CRACD: variants seen among roughly 807,000 people sequenced by gnomAD.
CRACD encodes the protein capping protein-inhibiting regulator of actin dynamics.
In CRACD, 56 loss-of-function variants were observed where a neutral mutation model predicts 106.8. The observed-to-expected ratio is 0.52, with a 90% CI of 0.42 to 0.66. CRACD has a LOEUF of 0.66. CRACD is among the 30% of genes least tolerant of loss of function. CRACD has a pLI of 0.00. For synonymous variants in CRACD, 754 were observed against 670.8 expected, an observed-to-expected ratio of 1.12 and a Z score of -1.92; for missense variants, 1,730 against 1,623.2, an observed-to-expected ratio of 1.07 and a Z score of -1.13.
chr4:56,106,742 C>T (rs1033329573), intron 1 of CRACD, among the ~76,000 whole-genome samples: 11 of 152,130 alleles, frequency 7.2e-5, no homozygotes, highest in Non-Finnish European at 1.5e-4. Context: ...TTGGATTGTA[C>T]AAGAACGTGA....
chr4:56,136,005 A>G (rs993263970), intron 1 of CRACD, among the ~76,000 whole-genome samples: 12 of 151,918 alleles, frequency 7.9e-5, no homozygotes, highest in African/African-American at 2.9e-4. Context: ...ATGTAAGTGG[A>G]GTTATACAGT....
chr4:56,302,504 C>T (rs533145377), intron 4 of CRACD, among the ~76,000 whole-genome samples: 6 of 152,288 alleles, frequency 3.9e-5, no homozygotes, highest in South Asian at 4.1e-4. Flanking sequence ...TATCTCCCAC[C>T]GAGCTGGATT....
chr4:56,247,499 C>T (rs1308625915), intron 2 of CRACD, among the ~76,000 whole-genome samples: 4 of 152,130 alleles, frequency 2.6e-5, no homozygotes, highest in Admixed American at 2.0e-4. Flanking sequence ...TTCCTCTCTT[C>T]CAGTAGTTGG....
intron 1 of CRACD, among the ~76,000 whole-genome samples, chr4:56,113,896 G>A (rs1197178870): frequency 6.6e-6 from 1 of 152,010 alleles, no homozygotes; most frequent in Non-Finnish European, 1.5e-5. Flanking sequence ...AAGCTTTCTT[G>A]TATACATAAA....
At position 56,330,071 on chromosome 4, in the gene CRACD, A is replaced by G. The variant is rs1363181403; in HGVS notation, c.*2267A>G. Among the ~76,000 whole-genome samples, 2 of 152,202 alleles carry G rather than the reference A, an allele frequency of 1.3e-5. No individual in the cohort carries two copies. The highest frequency in any genetic ancestry group is 2.1e-4 in the South Asian group (1 of 4,830). ...CACCCCAAATTTGCACTAAATACCA[A>G]TGAAGTGTTATTTTGCTTTAGTAGT... On this transcript the variant is annotated 3_prime_UTR_variant, in exon 11 of 11. Coordinates refer to ENST00000682029, the MANE Select transcript of CRACD (RefSeq NM_001393381.1).
At chr4:56,252,425 GC>G (rs1741109929) in intron 2 of CRACD, among the ~76,000 whole-genome samples, 2 of 152,154 alleles carry the variant, frequency 1.3e-5, no homozygotes. Flanking sequence ...ATTGTGAAAA[GC>G]AGCATACTCT....
At chr4:56,264,860 C>A (rs879808447) in intron 2 of CRACD, among the ~76,000 whole-genome samples, 12 of 152,240 alleles carry the variant, frequency 7.9e-5, no homozygotes, top group Non-Finnish European at 1.8e-4. Flanking sequence ...TGTTCTTCTA[C>A]ATGGCTTCAG....
intron 2 of CRACD, among the ~76,000 whole-genome samples, chr4:56,208,678 T>C (rs571329576): frequency 1.3e-5 from 2 of 152,356 alleles, no homozygotes; most frequent in East Asian, 3.9e-4. Context: ...TCAATCCCGT[T>C]AACTCTCTTA....
intron 1 of CRACD, among the ~76,000 whole-genome samples, chr4:56,080,044 G>A (rs1209799374): frequency 6.6e-6 from 1 of 152,126 alleles, no homozygotes; most frequent in Admixed American, 6.5e-5. Context: ...TCAGAACAAT[G>A]TTAAAAGAAA....
chr4:56,144,271 G>A (rs1238353761), intron 1 of CRACD, among the ~76,000 whole-genome samples: 1 of 152,184 alleles, frequency 6.6e-6, no homozygotes, highest in Non-Finnish European at 1.5e-5. Flanking sequence ...TATAGAACAT[G>A]TCGTGGAGTT....
chr4:56,277,224 G>C (rs1215693126), intron 3 of CRACD, among the ~76,000 whole-genome samples: 2 of 152,074 alleles, frequency 1.3e-5, no homozygotes, highest in African/African-American at 2.4e-5. Flanking sequence ...TATGACAATA[G>C]ACACAAAAAT....
intron 1 of CRACD, among the ~76,000 whole-genome samples, chr4:56,059,914 T>C (rs1732214517): frequency 6.6e-6 from 1 of 152,114 alleles, no homozygotes; most frequent in African/African-American, 2.4e-5. Context: ...AAACTCTTGG[T>C]TTCATGTGAT....
intron 2 of CRACD, among the ~76,000 whole-genome samples, chr4:56,192,786 AG>A (rs1376730366): frequency 1.3e-5 from 2 of 152,200 alleles, no homozygotes; most frequent in African/African-American, 4.8e-5. Context: ...TCTGAAAAAA[AG>A]TGAACTTTTC....
intron 2 of CRACD, among the ~76,000 whole-genome samples, chr4:56,270,646 T>A (rs1251664511): frequency 6.6e-6 from 1 of 152,192 alleles, no homozygotes; most frequent in Non-Finnish European, 1.5e-5. Context: ...GATGTAGGCA[T>A]GCTATTTTAT....
chr4:56,229,102 T>A (rs13117018), intron 2 of CRACD, among the ~76,000 whole-genome samples: 10,113 of 152,246 alleles, frequency 0.066, 471 homozygotes, highest in South Asian at 0.21. Flanking sequence ...CTTGCAGGCA[T>A]AAACAAAATG....
At chr4:56,114,109 G>A (rs1042533459) in intron 1 of CRACD, among the ~76,000 whole-genome samples, 1 of 152,038 alleles carries the variant, frequency 6.6e-6, no homozygotes, top group South Asian at 2.1e-4. Context: ...AGTGTCTAGA[G>A]TAGGCAACCC....
At chr4:56,157,919 T>G (rs1343910728) in intron 1 of CRACD, among the ~76,000 whole-genome samples, 1 of 152,204 alleles carries the variant, frequency 6.6e-6, no homozygotes, top group African/African-American at 2.4e-5. Context: ...ATGGCATACA[T>G]GTATGTGTCT....
intron 3 of CRACD, among the ~76,000 whole-genome samples, chr4:56,274,135 GA>G (rs1341373306): frequency 6.6e-6 from 1 of 152,236 alleles, no homozygotes; most frequent in African/African-American, 2.4e-5. Context: ...AGATGTAACT[GA>G]AAGGAGAGCA....
chr4:56,262,518 A>AT (rs57264319), intron 2 of CRACD, among the ~76,000 whole-genome samples: 18 of 151,572 alleles, frequency 1.2e-4, no homozygotes, highest in South Asian at 2.1e-4. Flanking sequence ...TTTTTTTGTG[A>AT]TTTTTTTTTA....
Sources: gnomAD v4.1 joint callset for allele counts (sites outside exome capture counted in the v4.1 genomes callset) on GRCh38, gnomAD v4.1.1 for gene constraint, MANE v1.5 for transcripts, NCBI Gene and HGNC (gene_info 2026-07-23, HGNC 2026-07-21) for gene names.